Variants in SUPT3H observed in about 807,000 individuals in gnomAD.
SUPT3H encodes the protein SPT3 homolog, SAGA and STAGA complex component.
In SUPT3H, 44 loss-of-function variants were observed where a neutral mutation model predicts 44.3. That is an observed-to-expected ratio of 0.99 (90% CI 0.78 to 1.28). The LOEUF (loss-of-function observed/expected upper bound fraction) is 1.28, where lower values mean the gene tolerates loss of function less well. SUPT3H is among the 50% of genes most tolerant of loss of function. The probability of loss-of-function intolerance (pLI) is 0.00; values close to 1 mark genes in which losing one functional copy is unlikely to be tolerated. For missense variants in SUPT3H, 380 were observed against 387.1 expected (o/e 0.98, Z 0.15); for synonymous variants, 124 against 125.6 (o/e 0.99, Z 0.09).
At chr6:44,826,609 A>G (rs1295948047), downstream of SUPT3H, among the ~76,000 whole-genome samples, 1 of 152,204 alleles carries the variant, frequency 6.6e-6, no homozygotes, top group Non-Finnish European at 1.5e-5. Flanking sequence ...TGTTCTCTTT[A>G]GTGATTCAGT....
chr6:45,075,690 G>A (rs908716993), intron 3 of SUPT3H, among the ~76,000 whole-genome samples: 3 of 152,008 alleles, frequency 2.0e-5, no homozygotes, highest in Non-Finnish European at 4.4e-5. Context: ...GCAAGTTCCA[G>A]GCAGAAGAAA....
chr6:44,893,116 G>A (rs955918437), intron 10 of SUPT3H, among the ~76,000 whole-genome samples: 1 of 152,064 alleles, frequency 6.6e-6, no homozygotes, highest in Admixed American at 6.6e-5. Context: ...TACAGCAGAG[G>A]CCTGTGTGCC....
chr6:44,841,397 A>AT (rs892621730), intron 10 of SUPT3H, among the ~76,000 whole-genome samples: 1 of 152,130 alleles, frequency 6.6e-6, no homozygotes, highest in African/African-American at 2.4e-5. Context: ...CACCAAAACT[A>AT]TTTTTTTAAA....
intron 5 of SUPT3H, among the ~76,000 whole-genome samples, chr6:45,014,567 G>A (rs1364488318): frequency 6.6e-6 from 1 of 152,066 alleles, no homozygotes; most frequent in African/African-American, 2.4e-5. Context: ...CAATTCATCT[G>A]CAGAACTATT....
intron 2 of SUPT3H, among the ~76,000 whole-genome samples, chr6:45,254,545 A>G (rs760558921): frequency 9.2e-5 from 14 of 152,254 alleles, no homozygotes; most frequent in Admixed American, 7.2e-4. Flanking sequence ...GTTCAGAAAA[A>G]GTGACAGTTT....
intron 3 of SUPT3H, among the ~76,000 whole-genome samples, chr6:45,063,216 G>T (rs768014379): frequency 6.3e-5 from 9 of 143,042 alleles, no homozygotes; most frequent in Non-Finnish European, 1.1e-4. Context: ...CACCTCACAC[G>T]GCAGGGTATT....
At chr6:45,090,181 G>A (rs969456954) in intron 3 of SUPT3H, among the ~76,000 whole-genome samples, 1 of 151,774 alleles carries the variant, frequency 6.6e-6, no homozygotes, top group Non-Finnish European at 1.5e-5. Flanking sequence ...ATCCAAACGG[G>A]GTTAGCTATT....
intron 10 of SUPT3H, among the ~76,000 whole-genome samples, chr6:44,884,734 A>T (rs1778849317): frequency 6.6e-6 from 1 of 152,150 alleles, no homozygotes; most frequent in Admixed American, 6.5e-5. Context: ...TACCGGGTTC[A>T]TCTCACTAGG....
At chr6:44,901,392 C>G (rs1294861362) in intron 10 of SUPT3H, among the ~76,000 whole-genome samples, 1 of 152,018 alleles carries the variant, frequency 6.6e-6, no homozygotes, top group Non-Finnish European at 1.5e-5. Context: ...GCCTCAGTAG[C>G]CGATATGATC....
chr6:44,844,095 C>T (rs1009138925), intron 10 of SUPT3H, among the ~76,000 whole-genome samples: 1 of 152,038 alleles, frequency 6.6e-6, no homozygotes, highest in Non-Finnish European at 1.5e-5. Flanking sequence ...TAGACCTACA[C>T]GTTTTTGGAG....
At chr6:45,347,902 G>A (rs973809293) in intron 2 of SUPT3H, among the ~76,000 whole-genome samples, 6 of 152,030 alleles carry the variant, frequency 3.9e-5, no homozygotes, top group Non-Finnish European at 8.8e-5. Context: ...TGTCAGTATG[G>A]TTACCTGTGA....
intron 1 of SUPT3H, among the ~76,000 whole-genome samples, chr6:45,373,782 A>C (rs1301847171): frequency 6.6e-6 from 1 of 152,048 alleles, no homozygotes; most frequent in East Asian, 1.9e-4. Context: ...CCAACTCCTG[A>C]CATCAAGTGA....
intron 7 of SUPT3H, among the ~76,000 whole-genome samples, chr6:44,955,911 G>A (rs1312954779): frequency 1.4e-4 from 22 of 151,786 alleles, no homozygotes; most frequent in African/African-American, 1.2e-4. Flanking sequence ...ACGAGGTCAG[G>A]AGATCGAGAC....
At chr6:44,898,388 A>G (rs559590944) in intron 10 of SUPT3H, among the ~76,000 whole-genome samples, 17 of 152,296 alleles carry the variant, frequency 1.1e-4, no homozygotes, top group African/African-American at 3.4e-4. Context: ...CTGCCATCCA[A>G]TGAGAATGCT....
At chr6:44,987,787 C>T (rs1203528743) in intron 6 of SUPT3H, among the ~76,000 whole-genome samples, 1 of 152,078 alleles carries the variant, frequency 6.6e-6, no homozygotes, top group Non-Finnish European at 1.5e-5. Flanking sequence ...TGAAAGTACT[C>T]TTCCGATTAC....
intron 4 of SUPT3H, among the ~76,000 whole-genome samples, chr6:45,018,512 A>G (rs548853983): frequency 2.8e-4 from 42 of 152,192 alleles, no homozygotes; most frequent in African/African-American, 1.0e-3. Context: ...TTATTTTGAG[A>G]TATGTCCCAT....
intron 2 of SUPT3H, among the ~76,000 whole-genome samples, chr6:45,139,247 T>A (rs1804789017): frequency 6.6e-6 from 1 of 152,100 alleles, no homozygotes; most frequent in Non-Finnish European, 1.5e-5. Context: ...AAAATGAAAA[T>A]TTTTCTAATT....
rs140582764 is a variant in SUPT3H, at chr6:44,869,042, G to C, written c.913-39185C>G. ...TCTATTACCCATTTCCACAGTGTGAGACCAGTAGCAGGTAAGATGTGAATG... is the reference window on the plus strand; with the variant it reads ...TCTATTACCCATTTCCACAGTGTGACACCAGTAGCAGGTAAGATGTGAATG... On this transcript the variant is annotated intron_variant, in intron 10 of 10. Transcript: ENST00000371459. 6.4e-3 allele frequency among the ~76,000 whole-genome samples: 970 copies of C among 152,322 alleles called. 6 individuals are homozygous for C. The highest frequency in any genetic ancestry group is 8.2e-3 in the Non-Finnish European group (559 of 68,034).
intron 2 of SUPT3H, among the ~76,000 whole-genome samples, chr6:45,344,796 A>T (rs1790512593): frequency 1.3e-5 from 2 of 152,276 alleles, no homozygotes; most frequent in South Asian, 4.1e-4. Flanking sequence ...CCTAAAAAAG[A>T]AGGCCACTTC....
Sources: allele counts gnomAD v4.1 joint callset (sites outside exome capture counted in the v4.1 genomes callset), GRCh38; gene constraint gnomAD v4.1.1; transcripts MANE v1.5; gene names NCBI Gene and HGNC (gene_info 2026-07-23, HGNC 2026-07-21).